Variants in NCR3LG1 observed in about 807,000 individuals in gnomAD.
The protein encoded by NCR3LG1 is natural killer cell cytotoxicity receptor 3 ligand 1.
Under a neutral mutation model 34.8 loss-of-function variants are expected in NCR3LG1, and 35 were observed. That is an observed-to-expected ratio of 1.01 (90% CI 0.77 to 1.33). The LOEUF is 1.33. NCR3LG1 is among the 40% of genes most tolerant of loss of function. The probability of loss-of-function intolerance (pLI) is 0.00; values close to 1 mark genes in which losing one functional copy is unlikely to be tolerated. For synonymous variants in NCR3LG1, 173 were observed against 163.6 expected (o/e 1.06, Z -0.44); for missense variants, 452 against 423.3 (o/e 1.07, Z -0.60).
intron 1 of NCR3LG1, among the ~76,000 whole-genome samples, chr11:17,355,782 CTT>C (rs1953197282): frequency 6.6e-6 from 1 of 151,958 alleles, no homozygotes; most frequent in Non-Finnish European, 1.5e-5. Flanking sequence ...TCTGTCATGT[CTT>C]TTCTTATTTA....
chr11:17,357,730 C>G (rs1953227046), intron 2 of NCR3LG1, among the ~76,000 whole-genome samples: 1 of 151,996 alleles, frequency 6.6e-6, no homozygotes, highest in Admixed American at 6.6e-5. Flanking sequence ...ACATAGGAGA[C>G]AGGGTCTCCC....
At chr11:17,367,770 C>G (rs1953361766) in intron 3 of NCR3LG1, among the ~76,000 whole-genome samples, 1 of 151,524 alleles carries the variant, frequency 6.6e-6, no homozygotes, top group African/African-American at 2.4e-5. Flanking sequence ...TAATAAGGCT[C>G]TAGGTCCACT....
chr11:17,352,061 C>T (rs1235132883), intron 1 of NCR3LG1, 22 bp downstream of exon 1: 19 of 253,358 alleles, frequency 7.5e-5, no homozygotes, highest in Non-Finnish European at 1.3e-4. Flanking sequence ...CTGGGGTGGG[C>T]TGGGGCGGGG....
chr11:17,356,094 C>T (rs1953201048), intron 1 of NCR3LG1, among the ~76,000 whole-genome samples: 1 of 151,620 alleles, frequency 6.6e-6, no homozygotes, highest in African/African-American at 2.4e-5. Flanking sequence ...AACCACCAGG[C>T]CCAGCTTCAT....
rs1219271996 is a variant in NCR3LG1, at chr11:17,373,401, C to T, written c.*889C>T. On this transcript the variant is annotated 3_prime_UTR_variant, in exon 5 of 5. Coordinates refer to ENST00000338965, the MANE Select transcript of NCR3LG1 (RefSeq NM_001202439.3). ...GGCAGCAAGAAGAAGCCACCTCAAC[C>T]CTGTCCAGTATACAATGGGGACCAC... 2 of 152,398 alleles carry T rather than the reference C, an allele frequency of 1.3e-5. No homozygotes were observed. Among genetic ancestry groups the T allele is most frequent in the Non-Finnish European group, 2.9e-5 (2 of 68,218 alleles). The allele number at this position is 152,398 out of a possible 1,614,324, so 9.4% of individuals were successfully genotyped here.
Position 17,367,028 on chromosome 11 carries a change from G to A in NCR3LG1, c.441G>A (p.Leu147=). The A allele has an allele frequency of 1.3e-6, 2 of 1,532,548 alleles. No individual in the cohort carries two copies. Among genetic ancestry groups the A allele is most frequent in the Non-Finnish European group, 1.7e-6 (2 of 1,144,016 alleles). 94.9% of individuals were successfully genotyped at this position (1,532,548 alleles called of 1,614,324 possible). The change falls in exon 3 of 5, where the codon TTG becomes TTA. Residue 147 remains leucine, a synonymous_variant. Coordinates refer to ENST00000338965, the MANE Select transcript of NCR3LG1 (RefSeq NM_001202439.3). ...TGACAGCTTCCCCAGCCAGCAGATT[G>A]TTGCTGGATCAAGTGGGCATGAAAG... The part of the protein sequence containing the change: ...LEVVASPASR[L]LLDQVGMKEN...
chr11:17,372,012 A>T lies in NCR3LG1; in HGVS notation c.865A>T (p.Asn289Tyr). The T allele has an allele frequency of 1.4e-6, 1 of 698,610 alleles. No homozygotes were observed. Among genetic ancestry groups the T allele is most frequent in the Non-Finnish European group, 2.6e-6 (1 of 382,770 alleles). The allele number at this position is 698,610 out of a possible 1,614,324, so 43.3% of individuals were successfully genotyped here. The change falls in exon 5 of 5, where the codon AAC (asparagine) becomes TAC (tyrosine). Residue 289 changes from asparagine to tyrosine, a missense_variant. Physicochemically the swap from Asn to Tyr is moderately radical, Grantham distance 143 (BLOSUM62 -2). Coordinates refer to ENST00000338965, the MANE Select transcript of NCR3LG1 (RefSeq NM_001202439.3). The part of the protein sequence containing the change: ...IVLIPWKKIC[N>Y]KSSSAYTPLK... ...TTCTCTCCTCTTTTTCTAGATATGT[A>T]ACAAATCATCTTCAGCCTATACTCC...
rs1021751861 is a variant in NCR3LG1, at chr11:17,374,290, A to T, written c.*1778A>T. The T allele has an allele frequency of 3.3e-5, 5 of 152,150 alleles. No individual in the cohort carries two copies. Among genetic ancestry groups the T allele is most frequent in the African/African-American group, 1.2e-4 (5 of 41,428 alleles). 9.4% of individuals were successfully genotyped at this position (152,150 alleles called of 1,614,324 possible). A position where few individuals can be genotyped will look rare whatever the true frequency, so the allele number is the denominator to read the frequency against. ...GTATACCTTTATACCCTGACTCCCA[A>T]TACTTGTTTACCTTTGAAGACCCCT... On this transcript the variant is annotated 3_prime_UTR_variant, in exon 5 of 5. Transcript: ENST00000338965.
intron 2 of NCR3LG1, among the ~76,000 whole-genome samples, chr11:17,365,163 G>A (rs1953330731): frequency 6.6e-6 from 1 of 152,164 alleles, no homozygotes; most frequent in African/African-American, 2.4e-5. Flanking sequence ...TATGTATCAG[G>A]TAATAGGCTT....
In NCR3LG1 at chr11:17,371,136, C is replaced by T. The variant is rs150498632; in HGVS notation, c.859-870C>T. 5.8e-3 allele frequency among the ~76,000 whole-genome samples: 870 copies of T among 150,274 alleles called. 4 individuals carry two copies. Among genetic ancestry groups the T allele is most frequent in the Middle Eastern group, 0.02 (6 of 294 alleles). ...CTCAGCATTGCCCAATGAATTTAAG[C>T]ATTCCCTCTATGAGACAAACTAGTT... is the stretch of plus-strand genomic sequence containing the variant. On this transcript the variant is annotated intron_variant, in intron 4 of 4. Transcript: ENST00000338965.
At position 17,372,451 on chromosome 11, in the gene NCR3LG1, C is replaced by T. The variant is rs1953420718; in HGVS notation, c.1304C>T (p.Thr435Ile). ...CCTATCTGGGAACCTCCTCCAGCCA[C>T]AACATCAACAACTCCAGTTCTATCC... ...VSPIWEPPPA[T>I]TSTTPVLSSQ... Residue 435 changes from threonine to isoleucine, a missense_variant, in exon 5 of 5, where the codon ACA (threonine) becomes ATA (isoleucine). Transcript: ENST00000338965. 1 of 703,342 alleles carries T rather than the reference C, an allele frequency of 1.4e-6. No individual in the cohort carries two copies. The highest frequency in any genetic ancestry group is 2.6e-6 in the Non-Finnish European group (1 of 385,102). The allele number at this position is 703,342 out of a possible 1,614,324, so 43.6% of individuals were successfully genotyped here.
At chr11:17,380,189 G>A (rs1456051726), downstream of NCR3LG1, among the ~76,000 whole-genome samples, 1 of 152,096 alleles carries the variant, frequency 6.6e-6, no homozygotes, top group East Asian at 1.9e-4. Context: ...TCACATTGAT[G>A]AAAAAAAATT....
chr11:17,361,710 TTTTTTGTTTTTG>T (rs534735483), intron 2 of NCR3LG1, among the ~76,000 whole-genome samples: 11 of 152,194 alleles, frequency 7.2e-5, no homozygotes, highest in South Asian at 2.1e-4. Flanking sequence ...TTCTAGGGAT[TTTTTTGTTTTTG>T]TTTTTGTTTT....
intron 2 of NCR3LG1, among the ~76,000 whole-genome samples, chr11:17,362,980 G>A (rs1000899267): frequency 5.5e-5 from 8 of 145,190 alleles, no homozygotes; most frequent in African/African-American, 1.0e-4. Flanking sequence ...GAGTGCAGTG[G>A]TGCGATCATG....
chr11:17,360,794 T>A (rs1953261921), intron 2 of NCR3LG1, among the ~76,000 whole-genome samples: 1 of 152,236 alleles, frequency 6.6e-6, no homozygotes, highest in Non-Finnish European at 1.5e-5. Context: ...TGGAGTACAG[T>A]GACACAATCT....
chr11:17,356,262 C>T (rs781287008), intron 1 of NCR3LG1, among the ~76,000 whole-genome samples: 11 of 151,336 alleles, frequency 7.3e-5, no homozygotes, highest in Non-Finnish European at 1.0e-4. Context: ...CTTAGCCTCC[C>T]GAGTAGCTGG....
In NCR3LG1 at chr11:17,375,973, A is replaced by G. The variant is rs1403894000; in HGVS notation, c.*3461A>G. On this transcript the variant is annotated 3_prime_UTR_variant, in exon 5 of 5. Transcript: ENST00000338965. ...CAATGGAAGATTCTTAAAATCCTCC[A>G]CTGAGCCTTTCACTTAGGAAAGCAT... The G allele has an allele frequency of 4.6e-5, 7 of 152,244 alleles. No homozygotes were observed. The highest frequency in any genetic ancestry group is 1.0e-4 in the Non-Finnish European group (7 of 68,038). 9.4% of individuals were successfully genotyped at this position (152,244 alleles called of 1,614,324 possible).
intron 3 of NCR3LG1, among the ~76,000 whole-genome samples, chr11:17,368,282 G>A (rs1448787615): frequency 6.6e-6 from 1 of 152,164 alleles, no homozygotes; most frequent in African/African-American, 2.4e-5. Flanking sequence ...ATATGCCTTG[G>A]TCATAGCTCT....
intron 2 of NCR3LG1, among the ~76,000 whole-genome samples, chr11:17,365,250 A>C (rs1258641829): frequency 6.6e-6 from 1 of 152,056 alleles, no homozygotes; most frequent in Non-Finnish European, 1.5e-5. Flanking sequence ...GGTGCCAGAG[A>C]CTTCAGTTTC....
Sources: allele counts gnomAD v4.1 joint callset (sites outside exome capture counted in the v4.1 genomes callset), GRCh38; gene constraint gnomAD v4.1.1; transcripts MANE v1.5; gene names NCBI Gene and HGNC (gene_info 2026-07-23, HGNC 2026-07-21).